CTNNA3: variants seen among roughly 807,000 people sequenced by gnomAD.
CTNNA3 encodes the protein catenin alpha 3, also known as catenin alpha-3.
Under a neutral mutation model 95.7 loss-of-function variants are expected in CTNNA3, and 76 were observed. The ratio of observed to expected loss-of-function variants is 0.79; its 90% CI spans 0.66 to 0.96. The LOEUF is 0.96. CTNNA3 is among the 40% of genes least tolerant of loss of function. The pLI is 0.00. For synonymous variants in CTNNA3, 431 were observed against 374.4 expected (o/e 1.15, Z -1.74); for missense variants, 1,191 against 1,089.8 (o/e 1.09, Z -1.31).
intron 5 of CTNNA3, among the ~76,000 whole-genome samples, chr10:67,236,749 G>C (rs1270644658): frequency 6.6e-6 from 1 of 151,954 alleles, no homozygotes; most frequent in East Asian, 1.9e-4. Context: ...CTAATGATCA[G>C]GGAAATGCAA....
intron 14 of CTNNA3, 80 bp downstream of exon 14, chr10:66,103,077 A>G: frequency 8.8e-7 from 1 of 1,134,050 alleles, no homozygotes. Context: ...CACCCATTAG[A>G]GGCTGCCTAG....
chr10:66,819,919 C>T (rs144592204), intron 7 of CTNNA3, among the ~76,000 whole-genome samples: 34 of 152,238 alleles, frequency 2.2e-4, no homozygotes, highest in African/African-American at 8.2e-4. Context: ...GGAAAACAGT[C>T]TGGCAATTCC....
At chr10:67,260,560 C>T (rs1866556880) in intron 5 of CTNNA3, among the ~76,000 whole-genome samples, 1 of 152,192 alleles carries the variant, frequency 6.6e-6, no homozygotes, top group Non-Finnish European at 1.5e-5. Context: ...TTCTATAGAT[C>T]CAAACCATTA....
intron 17 of CTNNA3, among the ~76,000 whole-genome samples, chr10:65,935,926 TAAA>T (rs1205079292): frequency 6.6e-6 from 1 of 152,148 alleles, no homozygotes; most frequent in African/African-American, 2.4e-5. Context: ...TTGGAACTGA[TAAA>T]GAAGTGAGAT....
chr10:66,189,323 CTT>C (rs144910055), intron 13 of CTNNA3, among the ~76,000 whole-genome samples: 2,742 of 149,030 alleles, frequency 0.018, 40 homozygotes, highest in South Asian at 0.039. Flanking sequence ...AGCATTTCCT[CTT>C]TTCTCTAGGA....
rs146390332 is a variant in CTNNA3 at position 67,288,454 on chromosome 10, T to C, written c.580-68584A>G. 5.2e-4 allele frequency among the ~76,000 whole-genome samples: 79 copies of C among 152,328 alleles called. 1 individual carries two copies. The highest frequency in any genetic ancestry group is 1.8e-3 in the African/African-American group (73 of 41,564). The stretch of plus-strand genomic sequence containing the variant: ...GAACTTATTCAGTTTATAAGATGGA[T>C]ATCTTGTCAACTGCTAATCATAATA... On this transcript the variant is annotated intron_variant, in intron 5 of 17. Coordinates refer to ENST00000433211, the MANE Select transcript of CTNNA3 (RefSeq NM_013266.4).
At chr10:67,167,832 T>C (rs1226111407) in intron 7 of CTNNA3, among the ~76,000 whole-genome samples, 1 of 152,116 alleles carries the variant, frequency 6.6e-6, no homozygotes, top group East Asian at 1.9e-4. Flanking sequence ...TTTAAAGTTA[T>C]AAAAATATAG....
intron 14 of CTNNA3, among the ~76,000 whole-genome samples, chr10:66,091,364 G>T (rs968425442): frequency 6.6e-6 from 1 of 151,802 alleles, no homozygotes; most frequent in Admixed American, 6.6e-5. Context: ...TAATTGGTTG[G>T]ATTCAAGTGC....
chr10:66,771,501 A>G (rs1345417842), intron 8 of CTNNA3, among the ~76,000 whole-genome samples: 1 of 152,182 alleles, frequency 6.6e-6, no homozygotes, highest in African/African-American at 2.4e-5. Flanking sequence ...AGAAAATAAT[A>G]CATGATGGTA....
intron 13 of CTNNA3, among the ~76,000 whole-genome samples, chr10:66,224,144 T>C (rs2089131136): frequency 1.3e-5 from 2 of 152,144 alleles, no homozygotes; most frequent in East Asian, 3.8e-4. Flanking sequence ...ACACTGGGAG[T>C]AGGATTTACT....
At chr10:66,717,696 G>T (rs1464584595) in intron 9 of CTNNA3, among the ~76,000 whole-genome samples, 1 of 152,156 alleles carries the variant, frequency 6.6e-6, no homozygotes, top group Non-Finnish European at 1.5e-5. Context: ...TACTCATCCA[G>T]CTTTGCCAAG....
At chr10:67,752,156 A>G (rs1459207510) in intron 1 of CTNNA3, among the ~76,000 whole-genome samples, 3 of 152,234 alleles carry the variant, frequency 2.0e-5, no homozygotes, top group Non-Finnish European at 4.4e-5. Context: ...CTGGAATTCA[A>G]GGCTGGTTCA....
intron 5 of CTNNA3, among the ~76,000 whole-genome samples, chr10:67,434,644 T>C (rs1846236468): frequency 6.6e-6 from 1 of 151,990 alleles, no homozygotes; most frequent in Non-Finnish European, 1.5e-5. Context: ...ACTCAAAGAA[T>C]TGCCTAAAAT....
At chr10:66,537,549 T>TTAAATTATAAATTTATTTATAATAATTA (rs1841703015) in intron 10 of CTNNA3, among the ~76,000 whole-genome samples, 2 of 150,350 alleles carry the variant, frequency 1.3e-5, no homozygotes, top group East Asian at 3.9e-4. Flanking sequence ...TATTTATTTA[T>TTAAATTATAAATTTATTTATAATAATTA]TAAATTATAA....
chr10:67,513,289 C>T (rs1564705984), intron 5 of CTNNA3, among the ~76,000 whole-genome samples: 1 of 152,190 alleles, frequency 6.6e-6, no homozygotes, highest in African/African-American at 2.4e-5. Context: ...AGCAGAACTC[C>T]CACCTGGAGG....
chr10:66,263,233 A>T (rs2091059511), intron 13 of CTNNA3, among the ~76,000 whole-genome samples: 1 of 151,950 alleles, frequency 6.6e-6, no homozygotes, highest in Non-Finnish European at 1.5e-5. Flanking sequence ...TCTCCAAAAA[A>T]ATCTAAAGAA....
intron 13 of CTNNA3, among the ~76,000 whole-genome samples, chr10:66,205,769 TA>T (rs1466326989): frequency 6.6e-6 from 1 of 152,006 alleles, no homozygotes; most frequent in African/African-American, 2.4e-5. Context: ...TATAATAATA[TA>T]AAATGATCCA....
rs558008906 is a variant in CTNNA3 at position 66,843,560 on chromosome 10, C to G, written c.1048-68036G>C. ...TGAGGATGTGCAGAAAGAATGTGAC[C>G]ATAAGGGAATAGAAAGTCATCTAGG... On this transcript the variant is annotated intron_variant, in intron 7 of 17. Coordinates refer to ENST00000433211, the MANE Select transcript of CTNNA3 (RefSeq NM_013266.4). Among the ~76,000 whole-genome samples, 3 of 152,088 alleles carry G rather than the reference C, an allele frequency of 2.0e-5. No homozygotes were observed. The South Asian group carries it at 6.2e-4, about 32-fold the overall frequency.
intron 11 of CTNNA3, among the ~76,000 whole-genome samples, chr10:66,477,029 T>C (rs1565000446): frequency 6.6e-6 from 1 of 152,182 alleles, no homozygotes; most frequent in Non-Finnish European, 1.5e-5. Flanking sequence ...TATAGTCTGA[T>C]ATTTTATTAC....
Sources: allele counts gnomAD v4.1 joint callset (sites outside exome capture counted in the v4.1 genomes callset), GRCh38; gene constraint gnomAD v4.1.1; transcripts MANE v1.5; gene names NCBI Gene and HGNC (gene_info 2026-07-23, HGNC 2026-07-21).